The following ATG3 variants were observed in gnomAD, a reference collection of about 807,000 sequenced individuals.
ATG3 encodes the protein autophagy related 3.
A neutral mutation model predicts 50.7 loss-of-function variants in ATG3; 25 were observed. That is an observed-to-expected ratio of 0.49 (90% CI 0.36 to 0.69). ATG3 has a LOEUF of 0.69. ATG3 is among the 30% of genes least tolerant of loss of function. The probability of loss-of-function intolerance (pLI) is 0.00; values close to 1 mark genes in which losing one functional copy is unlikely to be tolerated. For synonymous variants in ATG3, 119 were observed against 125.5 expected (o/e 0.95, Z 0.34); for missense variants, 281 against 376.0 (o/e 0.75, Z 2.09).
chr3:112,550,296 A>G (rs763935120), intron 3 of ATG3, 34 bp from the exon 4 acceptor site: 1 of 1,508,842 alleles, frequency 6.6e-7, no homozygotes, highest in Admixed American at 1.7e-5. Context: ...AAAATACAAA[A>G]CATATTTTAA....
chr3:112,550,132 G>C, intron 4 of ATG3, 60 bp downstream of exon 4: 1 of 1,244,542 alleles, frequency 8.0e-7, no homozygotes, highest in African/African-American at 1.5e-5. Context: ...GAAAAACCGA[G>C]AGCTTCATTT....
chr3:112,538,779 T>A (rs1054885201), intron 7 of ATG3, among the ~76,000 whole-genome samples: 14 of 152,194 alleles, frequency 9.2e-5, no homozygotes, highest in African/African-American at 3.4e-4. Flanking sequence ...ACTCAATGAC[T>A]TCAAATACTG....
chr3:112,554,140 G>A (rs1249625275), intron 2 of ATG3, among the ~76,000 whole-genome samples: 2 of 152,128 alleles, frequency 1.3e-5, no homozygotes, highest in East Asian at 3.9e-4. Context: ...ATTTCTGAGG[G>A]CAGAAAATTT....
chr3:112,538,996 C>A (rs1310518871), intron 7 of ATG3, among the ~76,000 whole-genome samples: 2 of 152,166 alleles, frequency 1.3e-5, no homozygotes, highest in Non-Finnish European at 2.9e-5. Flanking sequence ...TCACCCTTGA[C>A]TATTCCACTT....
chr3:112,557,144 AT>A (rs369496139), intron 2 of ATG3, among the ~76,000 whole-genome samples: 6,604 of 143,384 alleles, frequency 0.046, 235 homozygotes, highest in Admixed American at 0.081. Flanking sequence ...TATGCAAACC[AT>A]TTTTTTTTTT....
intron 5 of ATG3, among the ~76,000 whole-genome samples, chr3:112,548,245 G>A (rs1405493434): frequency 4.6e-5 from 7 of 152,076 alleles, no homozygotes; most frequent in East Asian, 3.9e-4. Context: ...CCAGCTACTC[G>A]GGAGGCTGAG....
At chr3:112,550,379 G>A in intron 3 of ATG3, 117 bp from the exon 4 acceptor site, 2 of 836,114 alleles carry the variant, frequency 2.4e-6, no homozygotes, top group Non-Finnish European at 3.6e-6. Flanking sequence ...CAGAAAATTG[G>A]TTTAAAATTG....
At chr3:112,533,355 T>C (rs1053497588) in intron 11 of ATG3, 4 of 985,200 alleles carry the variant, frequency 4.1e-6, no homozygotes, top group South Asian at 9.4e-5. Context: ...TTATGAATTA[T>C]ATATAGACAG....
At chr3:112,538,587 A>G (rs1024898148) in intron 7 of ATG3, among the ~76,000 whole-genome samples, 7 of 152,176 alleles carry the variant, frequency 4.6e-5, no homozygotes, top group African/African-American at 1.7e-4. Context: ...GGCTTTTAAA[A>G]TATTTTCCTG....
Position 112,561,561 on chromosome 3 carries a change from G to C in ATG3, c.-33C>G. 4 of 1,599,566 alleles carry C rather than the reference G, an allele frequency of 2.5e-6. No individual in the cohort carries two copies. In the East Asian group the frequency reaches 6.7e-5, roughly 27 times the overall value. ...CCGGAGTAGCGGCCGGCCCCGCGAC[G>C]GGATGGAAAGTGCAGCCGTGTCAGG... On this transcript the variant is annotated 5_prime_UTR_variant, in exon 1 of 12. Coordinates refer to ENST00000283290, the MANE Select transcript of ATG3 (RefSeq NM_022488.5).
chr3:112,548,283 T>C (rs1576722310), intron 5 of ATG3, among the ~76,000 whole-genome samples: 1 of 151,934 alleles, frequency 6.6e-6, no homozygotes, highest in Non-Finnish European at 1.5e-5. Context: ...ACCCGGGAGG[T>C]GGAGGTTGCA....
intron 4 of ATG3, among the ~76,000 whole-genome samples, chr3:112,549,534 C>A (rs556144326): frequency 1.3e-5 from 2 of 151,988 alleles, no homozygotes; most frequent in African/African-American, 4.8e-5. Flanking sequence ...TTCAGCCAGG[C>A]GCGGTGGCTC....
At chr3:112,544,687 A>C (rs1331072257) in intron 5 of ATG3, among the ~76,000 whole-genome samples, 1 of 151,160 alleles carries the variant, frequency 6.6e-6, no homozygotes, top group Non-Finnish European at 1.5e-5. Context: ...ACAAGAGTTT[A>C]AAAAAACTAC....
At chr3:112,550,594 A>C (rs1933501861) in intron 3 of ATG3, among the ~76,000 whole-genome samples, 2 of 152,212 alleles carry the variant, frequency 1.3e-5, no homozygotes, top group South Asian at 4.1e-4. Flanking sequence ...CTCCTCAGTG[A>C]GTTGTAGCCC....
rs562559286 is a variant in ATG3 at position 112,547,431 on chromosome 3, C to T, written c.343+1102G>A. Among the ~76,000 whole-genome samples the T allele has an allele frequency of 2.6e-5, 4 of 152,238 alleles. No individual in the cohort carries two copies. In the South Asian group the frequency reaches 8.3e-4, roughly 32 times the overall value. ...GAGAAACCCTGTTTTATTACTACTA[C>T]TAAGGATATAACTCCTAACCTCTAG... On this transcript the variant is annotated intron_variant, in intron 5 of 11. Transcript: ENST00000283290.
rs1387203523 is a variant in ATG3 at position 112,561,614 on chromosome 3, T to C, written c.-86A>G. 16 of 1,362,896 alleles carry C rather than the reference T, an allele frequency of 1.2e-5. No individual in the cohort carries two copies. Among genetic ancestry groups the C allele is most frequent in the Non-Finnish European group, 1.5e-5 (15 of 989,662 alleles). 84.4% of individuals were successfully genotyped at this position (1,362,896 alleles called of 1,614,324 possible). On this transcript the variant is annotated 5_prime_UTR_variant, in exon 1 of 12. Coordinates refer to ENST00000283290, the MANE Select transcript of ATG3 (RefSeq NM_022488.5). Reference sequence around the variant, plus strand: ...CCAGGGAGTCAGAAAATGTCCTCGCTGCCACCGACTCGCATCAGCACCCGG... The same window carrying C: ...CCAGGGAGTCAGAAAATGTCCTCGCCGCCACCGACTCGCATCAGCACCCGG...
intron 5 of ATG3, among the ~76,000 whole-genome samples, chr3:112,544,618 C>T (rs1300139766): frequency 8.1e-6 from 1 of 123,226 alleles, no homozygotes; most frequent in Non-Finnish European, 1.6e-5. Context: ...CGCACCATTG[C>T]ACTCCAGCCT....
intron 5 of ATG3, among the ~76,000 whole-genome samples, chr3:112,547,895 C>T (rs952912210): frequency 2.0e-5 from 3 of 152,200 alleles, no homozygotes; most frequent in Admixed American, 6.5e-5. Flanking sequence ...TAGAGGAGCA[C>T]ATAATCCAGC....
At chr3:112,553,427 G>A (rs928866190) in intron 2 of ATG3, 98 bp from the exon 3 acceptor site, 11 of 956,300 alleles carry the variant, frequency 1.2e-5, no homozygotes, top group Non-Finnish European at 1.9e-5. Flanking sequence ...ATGGCACTAG[G>A]TAACACTGAA....
Sources: allele counts gnomAD v4.1 joint callset (sites outside exome capture counted in the v4.1 genomes callset), GRCh38; gene constraint gnomAD v4.1.1; transcripts MANE v1.5; gene names NCBI Gene and HGNC (gene_info 2026-07-23, HGNC 2026-07-21).